DCC: variants seen among roughly 807,000 people sequenced by gnomAD.
DCC encodes the protein netrin receptor DCC.
In DCC, 58 loss-of-function variants were observed where a neutral mutation model predicts 172.5. That is an observed-to-expected ratio of 0.34 (90% CI 0.27 to 0.42). The LOEUF (loss-of-function observed/expected upper bound fraction) is 0.42, where lower values mean the gene tolerates loss of function less well. DCC is among the 10% of genes least tolerant of loss of function. The pLI is 1.00. For synonymous variants in DCC, 709 were observed against 644.5 expected (o/e 1.10, Z -1.52); for missense variants, 1,740 against 1,791.0 (o/e 0.97, Z 0.51).
chr18:52,692,449 A>G (rs2035942673), intron 1 of DCC, among the ~76,000 whole-genome samples: 1 of 151,866 alleles, frequency 6.6e-6, no homozygotes, highest in African/African-American at 2.4e-5. Context: ...ATTTTATTTT[A>G]TTTTATTTTG....
chr18:52,439,756 T>A (rs1353234258), intron 1 of DCC, among the ~76,000 whole-genome samples: 1 of 152,130 alleles, frequency 6.6e-6, no homozygotes, highest in Non-Finnish European at 1.5e-5. Context: ...ATTTACCTAG[T>A]GAATAAATAT....
chr18:52,675,168 C>T (rs2035626525), intron 1 of DCC, among the ~76,000 whole-genome samples: 2 of 152,118 alleles, frequency 1.3e-5, no homozygotes, highest in Admixed American at 6.5e-5. Context: ...AAGCGATTCT[C>T]CTGCCTCAGC....
At chr18:52,416,987 G>A (rs1324399743) in intron 1 of DCC, among the ~76,000 whole-genome samples, 1 of 152,114 alleles carries the variant, frequency 6.6e-6, no homozygotes, top group African/African-American at 2.4e-5. Flanking sequence ...TTACAATTTG[G>A]CATGATTTTG....
intron 8 of DCC, among the ~76,000 whole-genome samples, chr18:53,169,860 A>C (rs2054986031): frequency 6.6e-6 from 1 of 152,184 alleles, no homozygotes; most frequent in Admixed American, 6.6e-5. Flanking sequence ...TACAGTGAGC[A>C]GAGAGGAAAT....
At chr18:52,852,249 A>G (rs1156962361) in intron 2 of DCC, among the ~76,000 whole-genome samples, 2 of 152,214 alleles carry the variant, frequency 1.3e-5, no homozygotes, top group Non-Finnish European at 1.5e-5. Context: ...TATTGCATCA[A>G]TATACTCTCT....
chr18:53,282,178 T>C (rs1489647985), intron 12 of DCC, among the ~76,000 whole-genome samples: 1 of 152,164 alleles, frequency 6.6e-6, no homozygotes, highest in African/African-American at 2.4e-5. Context: ...TTGTTTTTGC[T>C]TTCTTTATTT....
intron 5 of DCC, among the ~76,000 whole-genome samples, chr18:52,967,135 C>A (rs1247873409): frequency 1.3e-5 from 2 of 152,142 alleles, no homozygotes; most frequent in African/African-American, 4.8e-5. Context: ...GGGTCTTAAG[C>A]CCTGGTAAGT....
At chr18:53,360,496 A>G (rs1267104715) in intron 15 of DCC, among the ~76,000 whole-genome samples, 1 of 152,152 alleles carries the variant, frequency 6.6e-6, no homozygotes, top group Non-Finnish European at 1.5e-5. Context: ...ATTCAATAGG[A>G]ATGACATTTC....
chr18:52,877,000 T>C (rs1307218506), intron 2 of DCC, among the ~76,000 whole-genome samples: 2 of 152,210 alleles, frequency 1.3e-5, no homozygotes, highest in African/African-American at 4.8e-5. Flanking sequence ...TTTAATATAA[T>C]TGTGTCTAAA....
Position 52,649,189 on chromosome 18 carries a change from C to T in DCC, c.92-102865C>T, listed in dbSNP as rs962123783. ...GAGATCGAGACCATACTGGCTAACA[C>T]GGTAAAACCCCGTCTCTACTAAAAA... On this transcript the variant is annotated intron_variant, in intron 1 of 28. Coordinates refer to ENST00000442544, the MANE Select transcript of DCC (RefSeq NM_005215.4). Among the ~76,000 whole-genome samples the T allele has an allele frequency of 9.9e-5, 15 of 151,898 alleles. No individual in the cohort carries two copies. The Middle Eastern group carries it at 0.01, about 103-fold the overall frequency.
chr18:53,450,625 G>C lies in DCC; in HGVS notation c.3355G>C (p.Val1119Leu), dbSNP rs1200424248. Residue 1119 changes from valine to leucine, a missense_variant, in exon 23 of 29, where the codon GTG becomes CTG. Transcript: ENST00000442544. ...ITVLVVVIVA[V>L]ICTRRSSAQQ... The stretch of plus-strand genomic sequence containing the variant: ...AGTGCTGGTAGTGGTCATCGTGGCT[G>C]TGATTTGCACCCGACGCTCTTCAGC... 1 of 1,612,062 alleles carries C rather than the reference G, an allele frequency of 6.2e-7. No individual in the cohort carries two copies.
At chr18:52,416,036 T>G (rs1271192162) in intron 1 of DCC, among the ~76,000 whole-genome samples, 4 of 152,146 alleles carry the variant, frequency 2.6e-5, no homozygotes, top group East Asian at 1.9e-4. Context: ...CTCTACACAC[T>G]GCTTTGAATG....
At chr18:52,681,822 G>T (rs2035754595) in intron 1 of DCC, among the ~76,000 whole-genome samples, 1 of 152,118 alleles carries the variant, frequency 6.6e-6, no homozygotes, top group African/African-American at 2.4e-5. Flanking sequence ...ACAGAAAGCA[G>T]GGAGAAGTGC....
At chr18:53,129,961 A>G (rs1181835852) in intron 7 of DCC, among the ~76,000 whole-genome samples, 1 of 152,138 alleles carries the variant, frequency 6.6e-6, no homozygotes, top group African/African-American at 2.4e-5. Context: ...CCATTTTACA[A>G]TTCTTCCAGA....
chr18:53,406,377 T>G (rs940959775), intron 19 of DCC, among the ~76,000 whole-genome samples: 4 of 150,174 alleles, frequency 2.7e-5, no homozygotes, highest in Non-Finnish European at 4.4e-5. Context: ...GAAAAGTGTC[T>G]ATAGTAGAGT....
chr18:52,352,070 T>C (rs936867197), intron 1 of DCC, among the ~76,000 whole-genome samples: 8 of 152,314 alleles, frequency 5.3e-5, no homozygotes, highest in African/African-American at 1.7e-4. Context: ...GACCTCAACT[T>C]TCCCACCTAT....
chr18:53,468,095 A>G lies in DCC; in HGVS notation c.3736+85A>G, dbSNP rs1272921423. 3 of 793,824 alleles carry G rather than the reference A, an allele frequency of 3.8e-6. No homozygotes were observed. The East Asian group carries it at 7.5e-5, about 20-fold the overall frequency. 49.2% of individuals were successfully genotyped at this position (793,824 alleles called of 1,614,324 possible). On this transcript the variant is annotated intron_variant, in intron 25 of 28. Transcript: ENST00000442544. ...ATAAAAAATCAAATTATCAAAAGTA[A>G]TTATAATTTTCCCTGAACTTTCTGG... is the stretch of plus-strand genomic sequence containing the variant.
intron 1 of DCC, among the ~76,000 whole-genome samples, chr18:52,488,631 G>A (rs1216411399): frequency 6.6e-6 from 1 of 151,952 alleles, no homozygotes; most frequent in Non-Finnish European, 1.5e-5. Context: ...CTAATTTGTG[G>A]GACCTTCCAA....
At chr18:53,356,178 C>G (rs1235598288) in intron 15 of DCC, among the ~76,000 whole-genome samples, 1 of 152,072 alleles carries the variant, frequency 6.6e-6, no homozygotes, top group Non-Finnish European at 1.5e-5. Flanking sequence ...CCTTAGCTTC[C>G]CAAAGTGCTA....
Sources: allele counts gnomAD v4.1 joint callset (sites outside exome capture counted in the v4.1 genomes callset), GRCh38; gene constraint gnomAD v4.1.1; transcripts MANE v1.5; gene names NCBI Gene and HGNC (gene_info 2026-07-23, HGNC 2026-07-21).